GRIA4: variants seen among roughly 807,000 people sequenced by gnomAD.
GRIA4 encodes glutamate receptor 4.
Under a neutral mutation model 104.0 loss-of-function variants are expected in GRIA4, and 34 were observed. That is an observed-to-expected ratio of 0.33 (90% CI 0.25 to 0.44). The LOEUF (loss-of-function observed/expected upper bound fraction) is 0.44, where lower values mean the gene tolerates loss of function less well. GRIA4 is among the 20% of genes least tolerant of loss of function. The probability of loss-of-function intolerance (pLI) is 1.00; values close to 1 mark genes in which losing one functional copy is unlikely to be tolerated. For missense variants in GRIA4, 750 were observed against 1,096.5 expected (o/e 0.68, Z 4.46); for synonymous variants, 386 against 381.9 (o/e 1.01, Z -0.13).
chr11:105,808,371 A>G (rs957111170), intron 4 of GRIA4, among the ~76,000 whole-genome samples: 3 of 152,046 alleles, frequency 2.0e-5, no homozygotes, highest in Non-Finnish European at 4.4e-5. Flanking sequence ...CCCTGGATCC[A>G]AGGTTGGAAG....
At chr11:105,805,070 A>G (rs1343438838) in intron 4 of GRIA4, among the ~76,000 whole-genome samples, 1 of 152,002 alleles carries the variant, frequency 6.6e-6, no homozygotes, top group Non-Finnish European at 1.5e-5. Flanking sequence ...CAATTTTATA[A>G]TGGACTGAGA....
intron 10 of GRIA4, among the ~76,000 whole-genome samples, chr11:105,915,068 A>C (rs547105307): frequency 5.9e-5 from 9 of 152,164 alleles, no homozygotes; most frequent in Non-Finnish European, 1.3e-4. Context: ...ACTCTTTTGG[A>C]CTTGACATGA....
At chr11:105,948,746 C>T (rs917593816) in intron 14 of GRIA4, among the ~76,000 whole-genome samples, 3 of 151,694 alleles carry the variant, frequency 2.0e-5, no homozygotes, top group African/African-American at 7.3e-5. Flanking sequence ...GCTGGGACTA[C>T]AGGTGTCTGC....
At chr11:105,646,289 A>G (rs1951524911) in intron 3 of GRIA4, among the ~76,000 whole-genome samples, 1 of 152,196 alleles carries the variant, frequency 6.6e-6, no homozygotes. Context: ...AGAGGAAAAT[A>G]TAATTGTTTA....
At position 105,807,526 on chromosome 11, in the gene GRIA4, G is replaced by A. The variant is rs114751532; in HGVS notation, c.487+54306G>A. On this transcript the variant is annotated intron_variant, in intron 4 of 16. Coordinates refer to ENST00000282499, the MANE Select transcript of GRIA4 (RefSeq NM_000829.4). Reference sequence around the variant, plus strand: ...GAGGAATAAAAATTGAGGTTACAGAGGAAAAATCTTTTTCTTTCTATGCCT... The same window carrying A: ...GAGGAATAAAAATTGAGGTTACAGAAGAAAAATCTTTTTCTTTCTATGCCT... 6.4e-3 allele frequency among the ~76,000 whole-genome samples: 967 copies of A among 151,896 alleles called. 17 individuals are homozygous for A. The highest frequency in any genetic ancestry group is 0.022 in the African/African-American group (919 of 41,528).
chr11:105,815,551 C>A (rs759925858), intron 4 of GRIA4, among the ~76,000 whole-genome samples: 2 of 152,058 alleles, frequency 1.3e-5, no homozygotes, highest in Non-Finnish European at 2.9e-5. Context: ...CTTTCTGAGT[C>A]TTTTATGCTG....
chr11:105,625,181 T>C (rs1404630632), intron 3 of GRIA4, among the ~76,000 whole-genome samples: 1 of 152,034 alleles, frequency 6.6e-6, no homozygotes, highest in Non-Finnish European at 1.5e-5. Context: ...TCAACACTGT[T>C]AGACTGTGAC....
chr11:105,759,947 A>G (rs963345951), intron 4 of GRIA4, among the ~76,000 whole-genome samples: 6 of 149,978 alleles, frequency 4.0e-5, no homozygotes, highest in Non-Finnish European at 5.9e-5. Flanking sequence ...GAACAAGAAT[A>G]GTGCCCCCAT....
chr11:105,913,855 A>G (rs1419681278), intron 10 of GRIA4, among the ~76,000 whole-genome samples: 5 of 152,104 alleles, frequency 3.3e-5, no homozygotes, highest in Non-Finnish European at 5.9e-5. Context: ...TTTCCATAAA[A>G]CTAAATTTAT....
At chr11:105,960,103 G>A (rs768862133) in intron 14 of GRIA4, among the ~76,000 whole-genome samples, 16 of 152,230 alleles carry the variant, frequency 1.1e-4, no homozygotes, top group Non-Finnish European at 2.2e-4. Context: ...GGGTGGCACA[G>A]GGAGCAGGAC....
intron 4 of GRIA4, among the ~76,000 whole-genome samples, chr11:105,804,354 G>GCACA (rs35265620): frequency 0.018 from 2,613 of 147,896 alleles, 63 homozygotes; most frequent in African/African-American, 0.052. Context: ...AAACACACAT[G>GCACA]CACACACACA....
chr11:105,958,936 C>A (rs1948662374), intron 14 of GRIA4, among the ~76,000 whole-genome samples: 1 of 152,106 alleles, frequency 6.6e-6, no homozygotes. Context: ...TAAATATTGA[C>A]CCCCAATCTA....
intron 7 of GRIA4, among the ~76,000 whole-genome samples, chr11:105,901,129 G>A (rs111516920): frequency 3.5e-4 from 54 of 152,154 alleles, no homozygotes; most frequent in African/African-American, 1.3e-3. Context: ...TAGTCTTCAT[G>A]ATTCCTAGCT....
chr11:105,827,115 A>G lies in GRIA4; in HGVS notation c.488-34909A>G, dbSNP rs1591313639. On this transcript the variant is annotated intron_variant, in intron 4 of 16. Coordinates refer to ENST00000282499, the MANE Select transcript of GRIA4 (RefSeq NM_000829.4). ...GCCAAATTGTCAAGAACTGTGATGG[A>G]TCTCAGACTTTACACTACTGACAAG... Among the ~76,000 whole-genome samples the G allele has an allele frequency of 2.6e-5, 4 of 152,120 alleles. No individual in the cohort carries two copies. The Middle Eastern group carries it at 0.014, about 517-fold the overall frequency.
chr11:105,869,969 G>A (rs1407893775), intron 5 of GRIA4, among the ~76,000 whole-genome samples: 1 of 151,866 alleles, frequency 6.6e-6, no homozygotes, highest in African/African-American at 2.4e-5. Flanking sequence ...ATAACCACTG[G>A]TAAAGATAAA....
intron 3 of GRIA4, among the ~76,000 whole-genome samples, chr11:105,694,087 C>G (rs918388097): frequency 6.6e-6 from 1 of 152,040 alleles, no homozygotes; most frequent in African/African-American, 2.4e-5. Flanking sequence ...AATAGGTAAA[C>G]TAGCCCTGTC....
chr11:105,905,240 A>G lies in GRIA4; in HGVS notation c.1097A>G (p.Tyr366Cys), dbSNP rs1591427706. 1 of 1,611,184 alleles carries G rather than the reference A, an allele frequency of 6.2e-7. No homozygotes were observed. ...ACAGGGAATGTTCAGTTTGACCACT[A>G]TGGACGTAGAGTCAATTACACAATG... ...GLTGNVQFDH[Y>C]GRRVNYTMDV... The change falls in exon 9 of 17, where the codon TAT (tyrosine) becomes TGT (cysteine). Residue 366 changes from tyrosine to cysteine, a missense_variant. This residue lies in a region of GRIA4 where 410 missense variants were observed against 502.7 expected (regional missense o/e 0.82). Transcript: ENST00000282499.
At chr11:105,697,055 C>T (rs996883575) in intron 3 of GRIA4, among the ~76,000 whole-genome samples, 4 of 152,186 alleles carry the variant, frequency 2.6e-5, no homozygotes, top group African/African-American at 9.7e-5. Context: ...GAACCCACCG[C>T]ACCCAGCCAA....
chr11:105,734,017 T>G (rs1938771455), intron 3 of GRIA4, among the ~76,000 whole-genome samples: 1 of 147,312 alleles, frequency 6.8e-6, no homozygotes, highest in Non-Finnish European at 1.5e-5. Context: ...TATACATATA[T>G]ATGAATTCAT....
Sources: gnomAD v4.1 joint callset for allele counts (sites outside exome capture counted in the v4.1 genomes callset) on GRCh38, gnomAD v4.1.1 for gene constraint, gnomAD v4.1.1 regional missense constraint, MANE v1.5 for transcripts, NCBI Gene and HGNC (gene_info 2026-07-23, HGNC 2026-07-21) for gene names.